Variants in UBP1 observed in about 807,000 individuals in gnomAD.
The protein encoded by UBP1 is upstream binding protein 1.
In UBP1, 22 loss-of-function variants were observed where a neutral mutation model predicts 76.1. The ratio of observed to expected loss-of-function variants is 0.29; its 90% CI spans 0.21 to 0.41. The LOEUF (loss-of-function observed/expected upper bound fraction) is 0.41, where lower values mean the gene tolerates loss of function less well. Ranked by LOEUF, UBP1 falls within the 10% of genes least tolerant of loss-of-function variation. UBP1 has a pLI of 1.00. For synonymous variants in UBP1, 224 were observed against 237.1 expected (o/e 0.94, Z 0.51); for missense variants, 436 against 668.1 (o/e 0.65, Z 3.83).
intron 14 of UBP1, 47 bp from the exon 15 acceptor site, chr3:33,392,661 C>T (rs372394505): frequency 3.9e-6 from 6 of 1,526,750 alleles, no homozygotes; most frequent in Non-Finnish European, 5.4e-6. Flanking sequence ...ATCCAACTGT[C>T]GTTTCTTAAA....
chr3:33,392,953 A>C, intron 14 of UBP1: 1 of 319,550 alleles, frequency 3.1e-6, no homozygotes, highest in Non-Finnish European at 5.6e-6. Context: ...GAAAAATTAT[A>C]TATCTTACAT....
At chr3:33,427,273 A>G (rs919321365) in intron 1 of UBP1, among the ~76,000 whole-genome samples, 1 of 152,228 alleles carries the variant, frequency 6.6e-6, no homozygotes, top group African/African-American at 2.4e-5. Flanking sequence ...CCTCTGTTTA[A>G]CTTTCTGAGC....
At chr3:33,417,122 C>G (rs1449057907) in intron 2 of UBP1, among the ~76,000 whole-genome samples, 1 of 152,192 alleles carries the variant, frequency 6.6e-6, no homozygotes, top group Non-Finnish European at 1.5e-5. Context: ...ATTTTTGTAA[C>G]AGCTTTTCTG....
intron 15 of UBP1, chr3:33,390,608 C>T (rs1050857559): frequency 3.6e-6 from 2 of 557,204 alleles, no homozygotes; most frequent in Non-Finnish European, 6.5e-6. Flanking sequence ...CGCATTCCAA[C>T]ACTGTCTGCC....
chr3:33,413,653 C>T (rs1018104839), intron 3 of UBP1, among the ~76,000 whole-genome samples: 2 of 151,454 alleles, frequency 1.3e-5, no homozygotes, highest in South Asian at 2.1e-4. Context: ...AGGCCAGGTG[C>T]GGTGGGGCTC....
intron 15 of UBP1, 156 bp downstream of exon 15, chr3:33,392,405 TTC>T (rs2043804590): frequency 3.1e-6 from 2 of 638,312 alleles, no homozygotes; most frequent in Non-Finnish European, 2.5e-6. Flanking sequence ...ATATGCTAAT[TTC>T]TGTTACAACC....
chr3:33,394,218 A>G (rs1223003153), intron 13 of UBP1, among the ~76,000 whole-genome samples: 1 of 148,916 alleles, frequency 6.7e-6, no homozygotes, highest in East Asian at 2.0e-4. Context: ...TATTATTATT[A>G]TTATTATTTG....
chr3:33,421,067 T>A (rs949783953), intron 2 of UBP1, among the ~76,000 whole-genome samples: 4 of 152,162 alleles, frequency 2.6e-5, no homozygotes, highest in African/African-American at 9.7e-5. Context: ...GTCTCACTCA[T>A]ATTTATCAGG....
At chr3:33,434,682 C>CT (rs10709462) in intron 1 of UBP1, among the ~76,000 whole-genome samples, 14,496 of 87,748 alleles carry the variant, frequency 0.17, 1,944 homozygotes, top group Non-Finnish European at 0.21. Context: ...AATGGTTTTA[C>CT]TTTTTTTTTT....
chr3:33,429,796 G>A (rs1381276125), intron 1 of UBP1, among the ~76,000 whole-genome samples: 1 of 152,236 alleles, frequency 6.6e-6, no homozygotes, highest in Admixed American at 6.5e-5. Flanking sequence ...AGCAATGTAA[G>A]CTGCCTTCAG....
intron 1 of UBP1, among the ~76,000 whole-genome samples, chr3:33,434,984 C>A (rs1474149885): frequency 1.3e-5 from 2 of 152,174 alleles, no homozygotes; most frequent in Admixed American, 6.5e-5. Flanking sequence ...GGCGCCCGAT[C>A]TGGTTTTACA....
intron 7 of UBP1, 96 bp downstream of exon 7, chr3:33,409,140 A>G (rs1179325835): frequency 1.1e-5 from 13 of 1,220,024 alleles, no homozygotes; most frequent in Non-Finnish European, 1.3e-5. Context: ...CTGCCACCCA[A>G]TCTTCCCCAA....
intron 2 of UBP1, among the ~76,000 whole-genome samples, chr3:33,418,354 A>AGCCACT (rs2044784742): frequency 6.6e-6 from 1 of 151,976 alleles, no homozygotes; most frequent in South Asian, 2.1e-4. Context: ...CCCAGGTTCA[A>AGCCACT]GCAATTCTCC....
Position 33,392,792 on chromosome 3 carries a change from A to G in UBP1, c.1534-178T>C, listed in dbSNP as rs2043821003. 4 of 574,370 alleles carry G rather than the reference A, an allele frequency of 7.0e-6. No homozygotes were observed. The Admixed American group carries it at 1.0e-4, about 15-fold the overall frequency. 35.6% of individuals were successfully genotyped at this position (574,370 alleles called of 1,614,324 possible). ...ACACGTGCTGCACTGCCTTGTGTTC[A>G]CTATGCCTGTCCATAATGGTCCCTG... On this transcript the variant is annotated intron_variant, in intron 14 of 15. Transcript: ENST00000283629.
At chr3:33,429,500 T>C (rs916024029) in intron 1 of UBP1, among the ~76,000 whole-genome samples, 137 of 152,166 alleles carry the variant, frequency 9.0e-4, no homozygotes, top group African/African-American at 3.1e-3. Context: ...TGGCTAATGT[T>C]TGTATTTTTA....
At chr3:33,425,235 T>C (rs1305552258) in intron 2 of UBP1, among the ~76,000 whole-genome samples, 1 of 152,204 alleles carries the variant, frequency 6.6e-6, no homozygotes, top group Admixed American at 6.5e-5. Flanking sequence ...AACTGCTTCA[T>C]GTTCAAAATC....
At chr3:33,398,664 A>G (rs1169274241) in intron 11 of UBP1, among the ~76,000 whole-genome samples, 2 of 152,216 alleles carry the variant, frequency 1.3e-5, no homozygotes, top group Admixed American at 6.5e-5. Flanking sequence ...AGCCCCCAGG[A>G]TAAGGAAAAG....
chr3:33,396,034 G>A, intron 13 of UBP1, 128 bp downstream of exon 13: 1 of 753,438 alleles, frequency 1.3e-6, no homozygotes, highest in Non-Finnish European at 2.0e-6. Context: ...TTGCTGTCAA[G>A]GCTCCCACAT....
intron 2 of UBP1, among the ~76,000 whole-genome samples, chr3:33,418,861 A>C (rs1231546876): frequency 2.0e-5 from 1 of 50,952 alleles, no homozygotes; most frequent in African/African-American, 1.6e-4. Flanking sequence ...CTCTGTCTCC[A>C]AAAAAAAAAA....
Sources: gnomAD v4.1 joint callset for allele counts (sites outside exome capture counted in the v4.1 genomes callset) on GRCh38, gnomAD v4.1.1 for gene constraint, MANE v1.5 for transcripts, NCBI Gene and HGNC (gene_info 2026-07-23, HGNC 2026-07-21) for gene names.